CAPN11: variants seen among roughly 807,000 people sequenced by gnomAD.
CAPN11 encodes the protein calpain-11.
CAPN11 carries 108 observed loss-of-function variants against 105.3 expected under a neutral mutation model. The observed-to-expected ratio is 1.03, with a 90% CI of 0.88 to 1.20. The LOEUF (loss-of-function observed/expected upper bound fraction) is 1.20. Ranked by LOEUF, CAPN11 falls within the 50% of genes most tolerant of loss-of-function variation. The probability of loss-of-function intolerance (pLI) is 0.00; values close to 1 mark genes in which losing one functional copy is unlikely to be tolerated. For missense variants in CAPN11, 883 were observed against 924.8 expected (o/e 0.95, Z 0.59); for synonymous variants, 329 against 344.5 (o/e 0.96, Z 0.50).
intron 7 of CAPN11, among the ~76,000 whole-genome samples, chr6:44,175,504 G>A (rs916442095): frequency 6.6e-6 from 1 of 151,522 alleles, no homozygotes; most frequent in Non-Finnish European, 1.5e-5. Context: ...AGCCGGGTGC[G>A]GTGGCTCATG....
chr6:44,158,834 GAGCTAGCCACC>G lies in CAPN11; in HGVS notation c.-11_-1del. The G allele has an allele frequency of 1.9e-6, 3 of 1,551,230 alleles. No individual in the cohort carries two copies. The highest frequency in any genetic ancestry group is 1.7e-6 in the Non-Finnish European group (2 of 1,146,764). ...CCAGAACCTTCAACTGTCAAGCACC[GAGCTAGCCACC>G]AGCATGCTGTACTCCCCAGGTAGGC... On this transcript the variant is annotated 5_prime_UTR_variant, in exon 1 of 23. Coordinates refer to ENST00000398776, the MANE Select transcript of CAPN11 (RefSeq NM_007058.4).
intron 2 of CAPN11, among the ~76,000 whole-genome samples, chr6:44,167,132 C>G (rs1276324369): frequency 6.6e-6 from 1 of 152,078 alleles, no homozygotes; most frequent in African/African-American, 2.4e-5. Flanking sequence ...CATTATCTGA[C>G]CCGGTCCGAC....
At chr6:44,159,581 G>A (rs1342211534) in intron 1 of CAPN11, among the ~76,000 whole-genome samples, 2 of 152,056 alleles carry the variant, frequency 1.3e-5, no homozygotes, top group Non-Finnish European at 2.9e-5. Flanking sequence ...CCTGACCCTA[G>A]GAAGTTTAGG....
intron 1 of CAPN11, among the ~76,000 whole-genome samples, chr6:44,164,551 A>G (rs557683487): frequency 6.6e-6 from 1 of 152,318 alleles, no homozygotes; most frequent in Non-Finnish European, 1.5e-5. Flanking sequence ...GGGTGTCCTA[A>G]CAAAAGTGTA....
chr6:44,158,984 C>T (rs755962699), intron 1 of CAPN11, 120 bp downstream of exon 1: 27 of 566,856 alleles, frequency 4.8e-5, no homozygotes, highest in African/African-American at 8.0e-5. Context: ...GAGAGTGACT[C>T]TTCCATCAGA....
chr6:44,178,101 A>T (rs111241530), intron 12 of CAPN11, among the ~76,000 whole-genome samples: 3 of 152,186 alleles, frequency 2.0e-5, no homozygotes, highest in African/African-American at 4.8e-5. Context: ...GTGCCTTTCA[A>T]GCCAGAGCCG....
At chr6:44,166,533 T>C (rs2128294966) in intron 1 of CAPN11, among the ~76,000 whole-genome samples, 1 of 152,290 alleles carries the variant, frequency 6.6e-6, no homozygotes, top group Middle Eastern at 3.4e-3. Flanking sequence ...GGAGGAGGAC[T>C]AACTGAGACC....
At position 44,173,288 on chromosome 6, in the gene CAPN11, G is replaced by A. The variant is rs375545266; in HGVS notation, c.733G>A (p.Val245Met). 2.1e-5 allele frequency: 34 copies of A among 1,613,806 alleles called. No individual in the cohort carries two copies. Among genetic ancestry groups the A allele is most frequent in the Admixed American group, 1.2e-4 (7 of 60,002 alleles). ...GGGCCTTGAGGACTTCACAGGAGGC[G>A]TGGCCCAGAGCTTCCAACTCCAGAG... The part of the protein sequence containing the change: ...MEGLEDFTGG[V>M]AQSFQLQRPP... Residue 245 changes from valine to methionine, a missense_variant, in exon 7 of 23, where the codon GTG becomes ATG. By Grantham distance (21) the Val-to-Met change is conservative. Coordinates refer to ENST00000398776, the MANE Select transcript of CAPN11 (RefSeq NM_007058.4).
Position 44,180,155 on chromosome 6 carries a change from C to A in CAPN11, c.1632C>A (p.Ser544Arg), listed in dbSNP as rs35527493. ...FLLRVFTEKHSESWELDEVNY... is the reference protein window; with the variant it reads ...FLLRVFTEKHRESWELDEVNY... ...TTCGGGTCTTCACCGAGAAGCACAG[C>A]GAGTCATGGTAAGGGGCTGCAGCTC... is the stretch of plus-strand genomic sequence containing the variant. Residue 544 changes from serine to arginine, a missense_variant, in exon 14 of 23, where the codon AGC (serine) becomes AGA (arginine). Physicochemically the swap from Ser to Arg is moderately radical, Grantham distance 110. Transcript: ENST00000398776. 3 of 1,608,992 alleles carry A rather than the reference C, an allele frequency of 1.9e-6. No homozygotes were observed. The highest frequency in any genetic ancestry group is 2.5e-6 in the Non-Finnish European group (3 of 1,176,944).
At chr6:44,178,321 C>T (rs556613988) in intron 12 of CAPN11, among the ~76,000 whole-genome samples, 13 of 152,104 alleles carry the variant, frequency 8.5e-5, no homozygotes, top group South Asian at 6.2e-4. Context: ...ACGCCCCGCC[C>T]GACAATCCAT....
intron 1 of CAPN11, chr6:44,161,783 C>A: frequency 2.2e-6 from 1 of 456,174 alleles, no homozygotes; most frequent in Non-Finnish European, 4.4e-6. Context: ...TTCCCTGGTC[C>A]TTCCAGGCCC....
chr6:44,173,258 A>G lies in CAPN11; in HGVS notation c.703A>G (p.Met235Val). 1.2e-6 allele frequency: 2 copies of G among 1,613,900 alleles called. No individual in the cohort carries two copies. Among genetic ancestry groups the G allele is most frequent in the South Asian group, 1.1e-5 (1 of 91,086 alleles). The change falls in exon 7 of 23, where the codon ATG becomes GTG. Residue 235 changes from methionine to valine, a missense_variant. Physicochemically the swap from Met to Val is conservative, Grantham distance 21. Transcript: ENST00000398776. Reference sequence around the variant, plus strand: ...TGAAGCATTGTCAGGGGGCAGTACCATGGAGGGCCTTGAGGACTTCACAGG... The same window carrying G: ...TGAAGCATTGTCAGGGGGCAGTACCGTGGAGGGCCTTGAGGACTTCACAGG... ...SYEALSGGST[M>V]EGLEDFTGGV...
At chr6:44,172,007 G>A (rs750716808) in intron 4 of CAPN11, among the ~76,000 whole-genome samples, 15 of 152,282 alleles carry the variant, frequency 9.9e-5, no homozygotes, top group Admixed American at 6.5e-4. Flanking sequence ...CAGAGGTTGC[G>A]GTGAGCTGAG....
In CAPN11 at chr6:44,180,040, G is replaced by C; in HGVS notation, c.1517G>C (p.Arg506Pro). 6.2e-7 allele frequency: 1 copy of C among 1,612,736 alleles called. No homozygotes were observed. The highest frequency in any genetic ancestry group is 8.5e-7 in the Non-Finnish European group (1 of 1,178,858). The change falls in exon 14 of 23, where the codon CGG becomes CCG. Residue 506 changes from arginine to proline, a missense_variant. By Grantham distance (103) the Arg-to-Pro change is moderately radical. Coordinates refer to ENST00000398776, the MANE Select transcript of CAPN11 (RefSeq NM_007058.4). ...TTCTCAGAGATCTTCACCAACTCACGGGAGGTGAGCAGCCAACTCCGGCTG... is the reference window on the plus strand; with the variant it reads ...TTCTCAGAGATCTTCACCAACTCACCGGAGGTGAGCAGCCAACTCCGGCTG... ...HGFSEIFTNS[R>P]EVSSQLRLPP...
intron 1 of CAPN11, 103 bp from the exon 2 acceptor site, chr6:44,166,655 C>A (rs1412267681): frequency 1.4e-5 from 12 of 865,830 alleles, no homozygotes; most frequent in Non-Finnish European, 2.1e-5. Flanking sequence ...CAACCCAGTT[C>A]TTTTCCTCAT....
chr6:44,177,785 C>G (rs893071359), intron 12 of CAPN11, among the ~76,000 whole-genome samples: 7 of 152,138 alleles, frequency 4.6e-5, no homozygotes, highest in African/African-American at 1.7e-4. Context: ...CCACACCCGG[C>G]TGCCTGGCCT....
intron 2 of CAPN11, among the ~76,000 whole-genome samples, chr6:44,168,151 C>T (rs141885457): frequency 2.6e-5 from 4 of 152,304 alleles, no homozygotes; most frequent in African/African-American, 9.6e-5. Context: ...AAACCCCATA[C>T]CCTTTAGCCA....
At chr6:44,171,895 A>G (rs763174848) in intron 4 of CAPN11, among the ~76,000 whole-genome samples, 5 of 152,098 alleles carry the variant, frequency 3.3e-5, no homozygotes, top group South Asian at 2.1e-4. Flanking sequence ...GTGAAACCCC[A>G]TCTCTACTAA....
Position 44,169,287 on chromosome 6 carries a change from C to A in CAPN11, c.95C>A (p.Thr32Asn). 6.2e-7 allele frequency: 1 copy of A among 1,605,826 alleles called. No individual in the cohort carries two copies. Among genetic ancestry groups the A allele is most frequent in the Non-Finnish European group, 8.5e-7 (1 of 1,176,660 alleles). ...DKPRGSCAEP[T>N]FTDTGMVAHI... ...CTTTTTTTTTCTTAAGCAGAGCCCA[C>A]TTTTACTGATACGGGAATGGTGGCT... is the stretch of plus-strand genomic sequence containing the variant. Residue 32 changes from threonine (T) to asparagine (N), a missense_variant, in exon 3 of 23, where the codon ACT (threonine) becomes AAT (asparagine). Transcript: ENST00000398776.
Sources: gnomAD v4.1 joint callset for allele counts (sites outside exome capture counted in the v4.1 genomes callset) on GRCh38, gnomAD v4.1.1 for gene constraint, MANE v1.5 for transcripts, NCBI Gene and HGNC (gene_info 2026-07-23, HGNC 2026-07-21) for gene names.